Variants in ABCB5 observed in about 807,000 individuals in gnomAD.
ABCB5 encodes ATP binding cassette subfamily B member 5, also known as ATP-binding cassette sub-family B member 5.
A neutral mutation model predicts 144.2 loss-of-function variants in ABCB5; 155 were observed. The ratio of observed to expected loss-of-function variants is 1.08; its 90% CI spans 0.94 to 1.23. ABCB5 has a LOEUF of 1.23. Ranked by LOEUF, ABCB5 falls within the 50% of genes most tolerant of loss-of-function variation. The pLI is 0.00. For missense variants in ABCB5, 1,830 were observed against 1,520.8 expected (o/e 1.20, Z -3.38); for synonymous variants, 610 against 528.6 (o/e 1.15, Z -2.11).
chr7:20,667,411 C>T, intron 14 of ABCB5: 1 of 985,576 alleles, frequency 1.0e-6, no homozygotes, highest in Non-Finnish European at 1.2e-6. Context: ...TGATTCTGTG[C>T]ACAGAAGGAT....
At chr7:20,620,850 A>C (rs1443587361) in intron 1 of ABCB5, among the ~76,000 whole-genome samples, 2 of 152,134 alleles carry the variant, frequency 1.3e-5, no homozygotes, top group Non-Finnish European at 2.9e-5. Context: ...TCAAAAAGTT[A>C]AACATAGACT....
At chr7:20,677,962 G>C (rs1320912354) in intron 14 of ABCB5, among the ~76,000 whole-genome samples, 1 of 152,094 alleles carries the variant, frequency 6.6e-6, no homozygotes, top group Non-Finnish European at 1.5e-5. Context: ...AAGAACTCCA[G>C]AATGACAGCA....
intron 7 of ABCB5, among the ~76,000 whole-genome samples, chr7:20,645,312 C>G (rs1784377624): frequency 6.6e-6 from 1 of 152,236 alleles, no homozygotes; most frequent in South Asian, 2.1e-4. Context: ...TTCTGCTACT[C>G]TCTCACTTTA....
At chr7:20,685,560 C>A in intron 15 of ABCB5, 136 bp from the exon 16 acceptor site, 1 of 697,702 alleles carries the variant, frequency 1.4e-6, no homozygotes. Flanking sequence ...AGCCTGAAAG[C>A]TGTTCAGCAA....
chr7:20,681,358 C>G (rs1223348060), intron 14 of ABCB5, 147 bp from the exon 15 acceptor site: 1 of 743,182 alleles, frequency 1.3e-6, no homozygotes, highest in Non-Finnish European at 2.1e-6. Context: ...AACTCGTGAC[C>G]TCAGGTGATC....
At chr7:20,681,330 T>C (rs1785821476) in intron 14 of ABCB5, among the ~76,000 whole-genome samples, 175 bp from the exon 15 acceptor site, 1 of 152,046 alleles carries the variant, frequency 6.6e-6, no homozygotes, top group Admixed American at 6.6e-5. Context: ...TTTTACCATG[T>C]TGGCCAGGCT....
At chr7:20,667,575 G>A (rs1404914040) in intron 14 of ABCB5, 1 of 961,596 alleles carries the variant, frequency 1.0e-6, no homozygotes, top group Non-Finnish European at 1.2e-6. Flanking sequence ...AACTGTTGGA[G>A]AGTATTGTGA....
rs1350447935 is a variant in ABCB5 at position 20,707,120 on chromosome 7, TTAAA to T, written c.2421+2317_2421+2320del. Among the ~76,000 whole-genome samples, 4 of 152,350 alleles carry T rather than the reference TTAAA, an allele frequency of 2.6e-5. No individual in the cohort carries two copies. The East Asian group carries it at 5.8e-4, about 22-fold the overall frequency. ...GGGTCATATTTCCTATCATATTGAC[TTAAA>T]TAAGTCATACTCATCTCAATTTCTT... On this transcript the variant is annotated intron_variant, in intron 20 of 27. Transcript: ENST00000404938.
chr7:20,620,545 T>TAAA (rs146936420), intron 1 of ABCB5, among the ~76,000 whole-genome samples: 1 of 150,810 alleles, frequency 6.6e-6, no homozygotes, highest in East Asian at 1.9e-4. Flanking sequence ...CAACTTACTA[T>TAAA]AAAAAAAAAC....
At chr7:20,635,414 T>C (rs6966528) in intron 5 of ABCB5, among the ~76,000 whole-genome samples, 27,479 of 150,756 alleles carry the variant, frequency 0.18, 2,832 homozygotes, top group African/African-American at 0.27. Context: ...TGCATATGAA[T>C]TTTAGGACTG....
intron 25 of ABCB5, among the ~76,000 whole-genome samples, chr7:20,744,774 T>G (rs567093466): frequency 4.0e-5 from 6 of 151,336 alleles, no homozygotes; most frequent in Middle Eastern, 3.4e-3. Context: ...ATAATAAAAT[T>G]AAAAAAATAT....
chr7:20,626,375 C>A (rs1004236771), intron 2 of ABCB5, among the ~76,000 whole-genome samples, 182 bp from the exon 3 acceptor site: 1 of 152,176 alleles, frequency 6.6e-6, no homozygotes, highest in East Asian at 1.9e-4. Flanking sequence ...CAAGTTGCTA[C>A]CCTAACAAGT....
chr7:20,670,315 G>T (rs569015991), intron 14 of ABCB5, among the ~76,000 whole-genome samples: 2 of 151,790 alleles, frequency 1.3e-5, no homozygotes, highest in East Asian at 1.9e-4. Context: ...TAGAACGCAG[G>T]GTACATGGAA....
chr7:20,704,638 TG>T, intron 19 of ABCB5, 85 bp from the exon 20 acceptor site: 2 of 993,780 alleles, frequency 2.0e-6, no homozygotes, highest in Non-Finnish European at 3.1e-6. Context: ...GGCAGGTAAA[TG>T]TTTTCTGATT....
At chr7:20,620,291 T>C (rs1368097512) in intron 1 of ABCB5, among the ~76,000 whole-genome samples, 1 of 152,108 alleles carries the variant, frequency 6.6e-6, no homozygotes, top group Non-Finnish European at 1.5e-5. Flanking sequence ...GTGTGAAAAT[T>C]ATCCAACTCC....
Position 20,623,351 on chromosome 7 carries a change from T to C in ABCB5, c.53+13T>C. 1 of 1,535,492 alleles carries C rather than the reference T, an allele frequency of 6.5e-7. No homozygotes were observed. Among genetic ancestry groups the C allele is most frequent in the Non-Finnish European group, 8.8e-7 (1 of 1,131,938 alleles). On this transcript the variant is annotated intron_variant, in intron 2 of 27. Coordinates refer to ENST00000404938, the MANE Select transcript of ABCB5 (RefSeq NM_001163941.2). ...ATCAGAGAAATGGGTAAGCTCTCAC[T>C]AAGTTCTGTAAGTATGCTTCCACAA...
At chr7:20,660,433 A>G (rs11770822) in intron 14 of ABCB5, 78,252 of 980,812 alleles carry the variant, frequency 0.08, 3,691 homozygotes, top group South Asian at 0.19. Flanking sequence ...CTGGGTCAGG[A>G]TAAAGGGTAA....
intron 14 of ABCB5, among the ~76,000 whole-genome samples, chr7:20,675,930 C>A (rs1437648067): frequency 6.6e-6 from 1 of 152,014 alleles, no homozygotes; most frequent in Non-Finnish European, 1.5e-5. Context: ...TTCTTGACAT[C>A]ACTAGTTATC....
chr7:20,719,863 G>T (rs1781804755), intron 20 of ABCB5, among the ~76,000 whole-genome samples: 1 of 152,110 alleles, frequency 6.6e-6, no homozygotes, highest in Non-Finnish European at 1.5e-5. Context: ...CTTGGAATTG[G>T]AGGTATTGAT....
Sources: allele counts gnomAD v4.1 joint callset (sites outside exome capture counted in the v4.1 genomes callset), GRCh38; gene constraint gnomAD v4.1.1; transcripts MANE v1.5; gene names NCBI Gene and HGNC (gene_info 2026-07-23, HGNC 2026-07-21).